Variants in MMAB observed in about 807,000 individuals in gnomAD.
MMAB encodes metabolism of cobalamin associated B, also known as corrinoid adenosyltransferase MMAB.
In MMAB, 17 loss-of-function variants were observed where a neutral mutation model predicts 30.6. That is an observed-to-expected ratio of 0.56 (90% CI 0.38 to 0.83). MMAB has a LOEUF of 0.83. MMAB is among the 40% of genes least tolerant of loss of function. MMAB has a pLI of 0.00. For synonymous variants in MMAB, 134 were observed against 138.6 expected (o/e 0.97, Z 0.23); for missense variants, 311 against 331.6 (o/e 0.94, Z 0.48).
At position 109,555,032 on chromosome 12, in the gene MMAB, A is replaced by G; in HGVS notation, c.*1996T>C. 1 of 454,132 alleles carries G rather than the reference A, an allele frequency of 2.2e-6. No individual in the cohort carries two copies. Among genetic ancestry groups the G allele is most frequent in the Non-Finnish European group, 4.4e-6 (1 of 226,794 alleles). The allele number at this position is 454,132 out of a possible 1,614,324, so 28.1% of individuals were successfully genotyped here. Reference sequence around the variant, plus strand: ...TCCTGGAAGGACAGGACTTGGCAACAGGTGAACGGCCTTGTTTCAAAGATT... The same window carrying G: ...TCCTGGAAGGACAGGACTTGGCAACGGGTGAACGGCCTTGTTTCAAAGATT... On this transcript the variant is annotated 3_prime_UTR_variant, in exon 9 of 9. Coordinates refer to ENST00000545712, the MANE Select transcript of MMAB (RefSeq NM_052845.4).
At chr12:109,572,346 A>G (rs2111216) in intron 1 of MMAB, among the ~76,000 whole-genome samples, 96,442 of 150,678 alleles carry the variant, frequency 0.64, 31,570 homozygotes, top group African/African-American at 0.78. Context: ...CCAGGCTCAA[A>G]CAATCCTCCC....
At position 109,558,736 on chromosome 12, in the gene MMAB, C is replaced by T. The variant is rs918233920; in HGVS notation, c.644+360G>A. 3.9e-5 allele frequency among the ~76,000 whole-genome samples: 6 copies of T among 152,020 alleles called. No homozygotes were observed. Among genetic ancestry groups the T allele is most frequent in the African/African-American group, 1.5e-4 (6 of 41,362 alleles). ...AAACTGGCTGAGAGAGGGCCTGAAG[C>T]CTGGCTCCCTGGTCAGTCACCACCG... is the stretch of plus-strand genomic sequence containing the variant. On this transcript the variant is annotated intron_variant, in intron 8 of 8. Transcript: ENST00000545712. This position sits in a 1 kb window ranked among gnomAD's most constrained non-coding sequence, Gnocchi z 4.3.
At position 109,553,732 on chromosome 12, in the gene MMAB, C is replaced by G. The variant is rs777939885; in HGVS notation, c.*3296G>C. On this transcript the variant is annotated 3_prime_UTR_variant, in exon 9 of 9. Transcript: ENST00000545712. The stretch of plus-strand genomic sequence containing the variant: ...GGCACTGATTTATGTAGCATTCATG[C>G]GGAATTTATTATACAAAGAATTTTA... 6 of 400,980 alleles carry G rather than the reference C, an allele frequency of 1.5e-5. No individual in the cohort carries two copies. Among genetic ancestry groups the G allele is most frequent in the African/African-American group, 2.1e-5 (1 of 48,384 alleles). The allele number at this position is 400,980 out of a possible 1,614,324, so 24.8% of individuals were successfully genotyped here.
rs139886832 is a variant in MMAB, at chr12:109,554,288, C to T, written c.*2740G>A. ...GCACATAGCAAGCCCTTCCACAGTG[C>T]GGGCTGGTGTCACTGTGACTGTGGG... On this transcript the variant is annotated 3_prime_UTR_variant, in exon 9 of 9. Transcript: ENST00000545712. 2.1e-4 allele frequency: 94 copies of T among 454,028 alleles called. No homozygotes were observed. The Middle Eastern group carries it at 3.5e-3, about 17-fold the overall frequency. 28.1% of individuals were successfully genotyped at this position (454,028 alleles called of 1,614,324 possible). A position where few individuals can be genotyped will look rare whatever the true frequency, so the allele number is the denominator to read the frequency against.
rs1003295643 is a variant in MMAB, at chr12:109,554,189, C to G, written c.*2839G>C. The G allele has an allele frequency of 4.0e-5, 18 of 453,222 alleles. No homozygotes were observed. The highest frequency in any genetic ancestry group is 3.4e-4 in the African/African-American group (17 of 49,980). 28.1% of individuals were successfully genotyped at this position (453,222 alleles called of 1,614,324 possible). Reference sequence around the variant, plus strand: ...CTCCCCAGGACAACTTGGTTCCCCACCCAATGCCTCCTTCCAGGGCTGCTA... The same window carrying G: ...CTCCCCAGGACAACTTGGTTCCCCAGCCAATGCCTCCTTCCAGGGCTGCTA... On this transcript the variant is annotated 3_prime_UTR_variant, in exon 9 of 9. Coordinates refer to ENST00000545712, the MANE Select transcript of MMAB (RefSeq NM_052845.4).
chr12:109,555,290 T>TGTTTG lies in MMAB; in HGVS notation c.*1737_*1738insCAAAC, dbSNP rs1566128353. On this transcript the variant is annotated 3_prime_UTR_variant, in exon 9 of 9. Coordinates refer to ENST00000545712, the MANE Select transcript of MMAB (RefSeq NM_052845.4). ...CGTTTTCAGGGTTTTTTTTTTTTTT[T>TGTTTG]TTTTTTTTTTGTGACGGAGTCTCAC... The TGTTTG allele has an allele frequency of 2.4e-6, 1 of 418,640 alleles. No individual in the cohort carries two copies. Among genetic ancestry groups the TGTTTG allele is most frequent in the African/African-American group, 2.4e-5 (1 of 42,262 alleles). 25.9% of individuals were successfully genotyped at this position (418,640 alleles called of 1,614,324 possible).
At position 109,554,065 on chromosome 12, in the gene MMAB, T is replaced by C. The variant is rs1314981166; in HGVS notation, c.*2963A>G. ...CTGGCATTGTTCGCCACAGCCCAGG[T>C]AGTGATTAAAACGACTGTCAAGCGG... On this transcript the variant is annotated 3_prime_UTR_variant, in exon 9 of 9. Coordinates refer to ENST00000545712, the MANE Select transcript of MMAB (RefSeq NM_052845.4). 1 of 454,084 alleles carries C rather than the reference T, an allele frequency of 2.2e-6. No individual in the cohort carries two copies. Among genetic ancestry groups the C allele is most frequent in the Non-Finnish European group, 4.4e-6 (1 of 226,776 alleles). 28.1% of individuals were successfully genotyped at this position (454,084 alleles called of 1,614,324 possible).
intron 4 of MMAB, among the ~76,000 whole-genome samples, chr12:109,563,515 A>T (rs908948896): frequency 6.6e-6 from 1 of 152,236 alleles, no homozygotes; most frequent in Non-Finnish European, 1.5e-5. Flanking sequence ...TGGGAGGTGG[A>T]TGGGTGAACA....
chr12:109,553,968 A>G lies in MMAB; in HGVS notation c.*3060T>C, dbSNP rs763303792. 1.1e-5 allele frequency: 5 copies of G among 454,042 alleles called. No homozygotes were observed. Among genetic ancestry groups the G allele is most frequent in the African/African-American group, 1.0e-4 (5 of 50,022 alleles). The allele number at this position is 454,042 out of a possible 1,614,324, so 28.1% of individuals were successfully genotyped here. ...GGAAATTACTCGATGAAAAACGCACATTAACGATAGCCATGAAATATTAGT... is the reference window on the plus strand; with the variant it reads ...GGAAATTACTCGATGAAAAACGCACGTTAACGATAGCCATGAAATATTAGT... On this transcript the variant is annotated 3_prime_UTR_variant, in exon 9 of 9. Transcript: ENST00000545712.
At chr12:109,572,855 A>G (rs1369662824) in intron 1 of MMAB, among the ~76,000 whole-genome samples, 1 of 152,252 alleles carries the variant, frequency 6.6e-6, no homozygotes, top group Non-Finnish European at 1.5e-5. Context: ...TCAAAAAACA[A>G]TGTAAACAAC....
At position 109,553,839 on chromosome 12, in the gene MMAB, G is replaced by A. The variant is rs1883874035; in HGVS notation, c.*3189C>T. 2 of 453,670 alleles carry A rather than the reference G, an allele frequency of 4.4e-6. No homozygotes were observed. Among genetic ancestry groups the A allele is most frequent in the South Asian group, 3.1e-5 (2 of 64,484 alleles). The allele number at this position is 453,670 out of a possible 1,614,324, so 28.1% of individuals were successfully genotyped here. ...ACAGGGCGATCATAAAACTGAATGG[G>A]CTGTCGGAAGGTGTCGAGGCAGCAG... On this transcript the variant is annotated 3_prime_UTR_variant, in exon 9 of 9. Coordinates refer to ENST00000545712, the MANE Select transcript of MMAB (RefSeq NM_052845.4).
intron 3 of MMAB, among the ~76,000 whole-genome samples, chr12:109,565,534 C>T (rs753500489): frequency 1.3e-5 from 2 of 152,152 alleles, no homozygotes; most frequent in Non-Finnish European, 2.9e-5. Flanking sequence ...AGCTCTGACC[C>T]GCAGCCCTGT....
chr12:109,554,181 G>A lies in MMAB; in HGVS notation c.*2847C>T, dbSNP rs1357794626. 6.6e-6 allele frequency: 3 copies of A among 453,188 alleles called. No individual in the cohort carries two copies. The highest frequency in any genetic ancestry group is 1.3e-5 in the Non-Finnish European group (3 of 226,110). 28.1% of individuals were successfully genotyped at this position (453,188 alleles called of 1,614,324 possible). A position where few individuals can be genotyped will look rare whatever the true frequency, so the allele number is the denominator to read the frequency against. On this transcript the variant is annotated 3_prime_UTR_variant, in exon 9 of 9. Coordinates refer to ENST00000545712, the MANE Select transcript of MMAB (RefSeq NM_052845.4). ...GGCACTGACTCCCCAGGACAACTTGGTTCCCCACCCAATGCCTCCTTCCAG... is the reference window on the plus strand; with the variant it reads ...GGCACTGACTCCCCAGGACAACTTGATTCCCCACCCAATGCCTCCTTCCAG...
chr12:109,568,970 A>G (rs1329699024), intron 2 of MMAB, 107 bp from the exon 3 acceptor site: 2 of 850,764 alleles, frequency 2.4e-6, no homozygotes, highest in Admixed American at 4.0e-5. Context: ...CTCTTTTTTG[A>G]ACAGTCACTC....
chr12:109,563,297 G>A (rs141534117), intron 4 of MMAB, among the ~76,000 whole-genome samples: 1 of 152,224 alleles, frequency 6.6e-6, no homozygotes, highest in African/African-American at 2.4e-5. Context: ...GGGCAAGTCA[G>A]CCTTTCTGAG....
At chr12:109,572,967 C>G (rs1884708557) in intron 1 of MMAB, among the ~76,000 whole-genome samples, 1 of 152,200 alleles carries the variant, frequency 6.6e-6, no homozygotes, top group South Asian at 2.1e-4. Context: ...ATCCACGGTA[C>G]TCTAGAGGTT....
chr12:109,560,976 TCCCCCCTCCCCC>T, intron 7 of MMAB, 52 bp downstream of exon 7: 1 of 358,850 alleles, frequency 2.8e-6, no homozygotes, highest in Non-Finnish European at 5.3e-6. Flanking sequence ...TCCCTCTCCC[TCCCCCCTCCCCC>T]TTGTTCCTCT....
At chr12:109,570,442 T>G (rs1884592625) in intron 2 of MMAB, among the ~76,000 whole-genome samples, 1 of 152,206 alleles carries the variant, frequency 6.6e-6, no homozygotes, top group Admixed American at 6.5e-5. Context: ...AATTTTACCA[T>G]TTTGACCCTT....
chr12:109,565,805 G>A (rs778600331), intron 3 of MMAB, among the ~76,000 whole-genome samples: 4 of 152,096 alleles, frequency 2.6e-5, no homozygotes, highest in Admixed American at 6.5e-5. Flanking sequence ...TGATGCTGGA[G>A]GGGAGACTTT....
Sources: allele counts gnomAD v4.1 joint callset (sites outside exome capture counted in the v4.1 genomes callset), GRCh38; gene constraint gnomAD v4.1.1; non-coding constraint Gnocchi (gnomAD v3.1); transcripts MANE v1.5; gene names NCBI Gene and HGNC (gene_info 2026-07-23, HGNC 2026-07-21).